Variants in MROH1 observed in about 807,000 individuals in gnomAD.
MROH1 encodes maestro heat-like repeat-containing protein family member 1.
MROH1 carries 117 observed loss-of-function variants against 116.5 expected under a neutral mutation model. The ratio of observed to expected loss-of-function variants is 1.00; its 90% CI spans 0.86 to 1.17. The LOEUF (loss-of-function observed/expected upper bound fraction) is 1.17, where lower values mean the gene tolerates loss of function less well. Among genes scored for constraint, MROH1 ranks in the 50% most tolerant of loss-of-function variants. The pLI is 0.00. For synonymous variants in MROH1, 921 were observed against 583.9 expected, an observed-to-expected ratio of 1.58 and a Z score of -8.32; for missense variants, 1,873 against 1,338.5, an observed-to-expected ratio of 1.40 and a Z score of -6.23.
chr8:144,210,042 C>T (rs1176750627), intron 12 of MROH1, among the ~76,000 whole-genome samples: 1 of 152,086 alleles, frequency 6.6e-6, no homozygotes, highest in Non-Finnish European at 1.5e-5. Flanking sequence ...AGACGCCCCT[C>T]CTTGCATCCT....
At chr8:144,248,828 G>A (rs959272007) in intron 31 of MROH1, 49 bp from the exon 32 acceptor site, 17 of 767,090 alleles carry the variant, frequency 2.2e-5, no homozygotes, top group Middle Eastern at 2.3e-4. Flanking sequence ...CAGAAGTGGC[G>A]TTGGGGGTGC....
chr8:144,166,097 T>G (rs182703254), intron 3 of MROH1, among the ~76,000 whole-genome samples: 30 of 152,148 alleles, frequency 2.0e-4, no homozygotes, highest in African/African-American at 7.2e-4. Context: ...CAGACTGGTC[T>G]TGAACTCCTG....
Position 144,259,230 on chromosome 8 carries a change from CCT to C in MROH1, c.3930-9_3930-8del. 1.4e-6 allele frequency: 1 copy of C among 712,952 alleles called. No individual in the cohort carries two copies. Among genetic ancestry groups the C allele is most frequent in the South Asian group, 1.5e-5 (1 of 67,512 alleles). The allele number at this position is 712,952 out of a possible 1,614,324, so 44.2% of individuals were successfully genotyped here. A position where few individuals can be genotyped will look rare whatever the true frequency, so the allele number is the denominator to read the frequency against. On this transcript the variant is annotated splice_polypyrimidine_tract_variant and splice_region_variant and intron_variant, in intron 36 of 43. Coordinates refer to ENST00000326134, the MANE Select transcript of MROH1 (RefSeq NM_032450.3). ...ACAGCCCCTGCACCCTCAGCGGCCCCCTTTCCCAGGGCCATGGCTGAGCACGC... is the reference window on the plus strand; with the variant it reads ...ACAGCCCCTGCACCCTCAGCGGCCCCTTCCCAGGGCCATGGCTGAGCACGC...
intron 3 of MROH1, among the ~76,000 whole-genome samples, chr8:144,164,965 A>G (rs1820433795): frequency 6.6e-6 from 1 of 151,790 alleles, no homozygotes; most frequent in Non-Finnish European, 1.5e-5. Flanking sequence ...TGAAGGGACT[A>G]GGATGTCCTT....
At chr8:144,242,088 C>T (rs1841098987) in intron 22 of MROH1, 3 of 553,452 alleles carry the variant, frequency 5.4e-6, no homozygotes, top group Non-Finnish European at 9.8e-6. Flanking sequence ...GGCTGTGCTG[C>T]CTTGACCCTC....
intron 4 of MROH1, among the ~76,000 whole-genome samples, chr8:144,169,487 C>T (rs1821885655): frequency 1.4e-5 from 2 of 146,426 alleles, no homozygotes; most frequent in African/African-American, 5.0e-5. Context: ...GAGTCTCACT[C>T]TGTTGCCCGG....
Position 144,164,412 on chromosome 8 carries a change from A to G in MROH1, c.22+564A>G, listed in dbSNP as rs1171355317. ...GGAGTGAGACTCGGTCCCCCCAAAAAAAAAAAAAAAAAGACAGGGTCTCCC... is the reference window on the plus strand; with the variant it reads ...GGAGTGAGACTCGGTCCCCCCAAAAGAAAAAAAAAAAAGACAGGGTCTCCC... On this transcript the variant is annotated intron_variant, in intron 3 of 43. Coordinates refer to ENST00000326134, the MANE Select transcript of MROH1 (RefSeq NM_032450.3). 2.6e-5 allele frequency among the ~76,000 whole-genome samples: 4 copies of G among 151,402 alleles called. No homozygotes were observed. The South Asian group carries it at 8.3e-4, about 31-fold the overall frequency.
intron 1 of MROH1, among the ~76,000 whole-genome samples, chr8:144,155,359 AC>A (rs1259909938): frequency 2.0e-5 from 3 of 152,250 alleles, no homozygotes; most frequent in Admixed American, 6.5e-5. Context: ...ACTTCTTACA[AC>A]AGATTTGTGT....
chr8:144,250,414 C>A, intron 33 of MROH1, 48 bp downstream of exon 33: 1 of 726,540 alleles, frequency 1.4e-6, no homozygotes. Flanking sequence ...GAATGATGCT[C>A]CCCCTGGAAT....
chr8:144,211,747 G>A (rs1042080598), intron 12 of MROH1, among the ~76,000 whole-genome samples: 3 of 151,240 alleles, frequency 2.0e-5, no homozygotes, highest in Non-Finnish European at 4.4e-5. Flanking sequence ...AAAAGAAAAA[G>A]AAAGGTAGGT....
Position 144,250,877 on chromosome 8 carries a change from G to A in MROH1, c.3428+511G>A, listed in dbSNP as rs2133169584. On this transcript the variant is annotated intron_variant, in intron 33 of 43. Coordinates refer to ENST00000326134, the MANE Select transcript of MROH1 (RefSeq NM_032450.3). Reference sequence around the variant, plus strand: ...TGTCTTCCCAAGCTCACACCTCCCAGCTCCCAGCAAAGGGCAGGGCGTGTC... The same window carrying A: ...TGTCTTCCCAAGCTCACACCTCCCAACTCCCAGCAAAGGGCAGGGCGTGTC... 7 of 245,218 alleles carry A rather than the reference G, an allele frequency of 2.9e-5. No homozygotes were observed. In the South Asian group the frequency reaches 3.6e-4, roughly 12 times the overall value. 15.2% of individuals were successfully genotyped at this position (245,218 alleles called of 1,614,324 possible).
chr8:144,223,037 C>T, intron 13 of MROH1, 71 bp from the exon 14 acceptor site: 2 of 1,594,440 alleles, frequency 1.3e-6, no homozygotes, highest in Non-Finnish European at 1.7e-6. Flanking sequence ...ACTGAGGTTC[C>T]TCTCTGCTGG....
At chr8:144,195,181 C>A (rs1281868638) in intron 10 of MROH1, among the ~76,000 whole-genome samples, 1 of 16,652 alleles carries the variant, frequency 6.0e-5, no homozygotes, top group Non-Finnish European at 1.4e-4. Context: ...GGTGACAGTG[C>A]GAGACTGTGT....
In MROH1 at chr8:144,259,948, T is replaced by C. The variant is rs1844686512; in HGVS notation, c.4082T>C (p.Leu1361Ser). 5.4e-6 allele frequency: 4 copies of C among 743,136 alleles called. No individual in the cohort carries two copies. Among genetic ancestry groups the C allele is most frequent in the East Asian group, 5.1e-5 (2 of 39,084 alleles). 46.0% of individuals were successfully genotyped at this position (743,136 alleles called of 1,614,324 possible). A position where few individuals can be genotyped will look rare whatever the true frequency, so the allele number is the denominator to read the frequency against. Residue 1361 changes from leucine (L) to serine (S), a missense_variant, in exon 38 of 44, where the codon TTG (leucine) becomes TCG (serine). Leu to Ser is a moderately radical substitution (Grantham distance 145, BLOSUM62 -2). Transcript: ENST00000326134. The stretch of plus-strand genomic sequence containing the variant: ...AACGTGGCCAACGACCTCATGCTCT[T>C]GGACTCGCTGCTGGAGAGCCTGGCG... ...NSNVANDLMLLDSLLESLAAR... is the reference protein window; with the variant it reads ...NSNVANDLMLSDSLLESLAAR...
chr8:144,202,036 GAGAA>G (rs1007342069), intron 12 of MROH1, among the ~76,000 whole-genome samples: 9 of 148,286 alleles, frequency 6.1e-5, no homozygotes, highest in South Asian at 4.2e-4. Flanking sequence ...AAAAAAAAAA[GAGAA>G]AGCAGCAGGG....
At chr8:144,162,755 C>T (rs1819870727) in intron 2 of MROH1, among the ~76,000 whole-genome samples, 1 of 150,814 alleles carries the variant, frequency 6.6e-6, no homozygotes. Flanking sequence ...CAGAGTCTCA[C>T]TCTGTCGCTC....
chr8:144,191,462 T>A (rs1451186054), intron 8 of MROH1, among the ~76,000 whole-genome samples: 3 of 152,178 alleles, frequency 2.0e-5, no homozygotes, highest in African/African-American at 7.2e-5. Context: ...GGGTTTTTCC[T>A]TCTGCCCAGA....
intron 4 of MROH1, among the ~76,000 whole-genome samples, chr8:144,178,304 G>A (rs1027288425): frequency 6.6e-6 from 1 of 151,842 alleles, no homozygotes; most frequent in Non-Finnish European, 1.5e-5. Flanking sequence ...GCTAATTTTT[G>A]TATTTTTAGT....
Position 144,243,623 on chromosome 8 carries a change from G to T in MROH1, c.2475+7G>T. 1 of 778,746 alleles carries T rather than the reference G, an allele frequency of 1.3e-6. No individual in the cohort carries two copies. The highest frequency in any genetic ancestry group is 1.7e-5 in the African/African-American group (1 of 59,262). The allele number at this position is 778,746 out of a possible 1,614,324, so 48.2% of individuals were successfully genotyped here. A position where few individuals can be genotyped will look rare whatever the true frequency, so the allele number is the denominator to read the frequency against. Reference sequence around the variant, plus strand: ...GCTGGTGGCACAGATGATGGTGAGCGTGGCCGTGGCCTGGCAGGTCCTCAG... The same window carrying T: ...GCTGGTGGCACAGATGATGGTGAGCTTGGCCGTGGCCTGGCAGGTCCTCAG... On this transcript the variant is annotated splice_region_variant and intron_variant, in intron 25 of 43. Coordinates refer to ENST00000326134, the MANE Select transcript of MROH1 (RefSeq NM_032450.3).
Sources: allele counts gnomAD v4.1 joint callset (sites outside exome capture counted in the v4.1 genomes callset), GRCh38; gene constraint gnomAD v4.1.1; transcripts MANE v1.5; gene names NCBI Gene and HGNC (gene_info 2026-07-23, HGNC 2026-07-21).